Variants in ARGFX observed in about 807,000 individuals in gnomAD.
ARGFX encodes the protein arginine-fifty homeobox.
ARGFX carries 10 observed loss-of-function variants against 8.0 expected under a neutral mutation model. The ratio of observed to expected loss-of-function variants is 1.25; its 90% CI spans 0.77 to 2.12. The LOEUF is 2.12. ARGFX is among the 30% of genes most tolerant of loss of function. The pLI, the probability that ARGFX is intolerant of heterozygous loss-of-function variation, is 0.00. For synonymous variants in ARGFX, 116 were observed against 117.8 expected (o/e 0.98, Z 0.10); for missense variants, 282 against 324.3 (o/e 0.87, Z 1.00).
chr3:121,589,689 T>A lies in ARGFX; in HGVS notation c.*3089T>A, dbSNP rs771203670. ...CCTCACCTGGCCAAAACAGTTTTTT[T>A]AGAAATGAAGTATATTAGACAACAA... On this transcript the variant is annotated 3_prime_UTR_variant, in exon 5 of 5. Transcript: ENST00000334384. Among the ~76,000 whole-genome samples, 1 of 152,168 alleles carries A rather than the reference T, an allele frequency of 6.6e-6. No individual in the cohort carries two copies. Among genetic ancestry groups the A allele is most frequent in the Non-Finnish European group, 1.5e-5 (1 of 68,030 alleles).
chr3:121,579,940 CTTTTCT>C, intron 3 of ARGFX, among the ~76,000 whole-genome samples: 1 of 43,258 alleles, frequency 2.3e-5, no homozygotes, highest in Non-Finnish European at 4.6e-5. Flanking sequence ...CTTTTCTTTT[CTTTTCT>C]TTTTTTTTTT....
intron 2 of ARGFX, among the ~76,000 whole-genome samples, chr3:121,572,107 T>C (rs1202124959): frequency 6.6e-6 from 1 of 151,832 alleles, no homozygotes; most frequent in Non-Finnish European, 1.5e-5. Context: ...ACTGGGATTA[T>C]AGGCGTGAGC....
intron 2 of ARGFX, 78 bp from the exon 3 acceptor site, chr3:121,576,706 T>TTTC (rs2048738523): frequency 5.6e-5 from 10 of 180,010 alleles, no homozygotes; most frequent in South Asian, 4.8e-4. Flanking sequence ...TCTTTCTTTC[T>TTTC]TTTTCTTTCT....
rs1490191052 is a variant in ARGFX, at chr3:121,577,231, A to G, written c.220+331A>G. 5.4e-5 allele frequency among the ~76,000 whole-genome samples: 3 copies of G among 55,694 alleles called. No individual in the cohort carries two copies. In the East Asian group the frequency reaches 2.6e-3, roughly 48 times the overall value. 36.5% of individuals were successfully genotyped at this position (55,694 alleles called of 152,430 possible). On this transcript the variant is annotated intron_variant, in intron 3 of 4. Transcript: ENST00000334384. Reference sequence around the variant, plus strand: ...TATATATATATCTACATGTACATATATATATATATATATATATATATATAT... The same window carrying G: ...TATATATATATCTACATGTACATATGTATATATATATATATATATATATAT...
At chr3:121,574,039 G>A (rs1409605790) in intron 2 of ARGFX, among the ~76,000 whole-genome samples, 1 of 152,070 alleles carries the variant, frequency 6.6e-6, no homozygotes, top group African/African-American at 2.4e-5. Context: ...TGAGGATGGG[G>A]AGAAATCAGA....
chr3:121,586,372 T>A lies in ARGFX; in HGVS notation c.720T>A (p.Asn240Lys). ...AACTGTACAATCTTCCTGATGAGAA[T>A]GAGATATCCAGCTCTTCTTTCCACT... ...IIELYNLPDE[N>K]EISSSSFHCL... Residue 240 changes from asparagine (N) to lysine (K), a missense_variant, in exon 5 of 5, where the codon AAT becomes AAA. Asn to Lys is a moderately conservative substitution (Grantham distance 94). Coordinates refer to ENST00000334384, the MANE Select transcript of ARGFX (RefSeq NM_001012659.2). 1 of 1,612,846 alleles carries A rather than the reference T, an allele frequency of 6.2e-7. No homozygotes were observed.
At chr3:121,584,207 G>GAAGC (rs56144218) in intron 3 of ARGFX, among the ~76,000 whole-genome samples, 6,806 of 56,536 alleles carry the variant, frequency 0.12, 395 homozygotes, top group Non-Finnish European at 0.17. Context: ...AGAGAGAGAG[G>GAAGC]AAGGAAGGAA....
At chr3:121,579,916 C>CTTTCTTTCTT (rs1399496290) in intron 3 of ARGFX, among the ~76,000 whole-genome samples, 2 of 123,128 alleles carry the variant, frequency 1.6e-5, no homozygotes, top group African/African-American at 6.6e-5. Flanking sequence ...TATTTTCTTT[C>CTTTCTTTCTT]TTTCTTTCTT....
intron 2 of ARGFX, among the ~76,000 whole-genome samples, chr3:121,573,224 T>C (rs1185819830): frequency 1.3e-5 from 2 of 152,210 alleles, no homozygotes; most frequent in Non-Finnish European, 2.9e-5. Context: ...CTCATGCCTG[T>C]AATCCCAGCA....
chr3:121,581,383 G>C (rs1341081358), intron 3 of ARGFX, among the ~76,000 whole-genome samples: 1 of 152,118 alleles, frequency 6.6e-6, no homozygotes, highest in African/African-American at 2.4e-5. Flanking sequence ...AATCCAATGA[G>C]ATGGTTTACA....
intron 3 of ARGFX, among the ~76,000 whole-genome samples, chr3:121,579,010 T>C (rs1270727258): frequency 2.0e-5 from 3 of 152,182 alleles, no homozygotes; most frequent in Non-Finnish European, 4.4e-5. Flanking sequence ...AAATTTCTAC[T>C]GTTGAACATA....
chr3:121,587,003 C>A lies in ARGFX; in HGVS notation c.*403C>A, dbSNP rs1380112489. On this transcript the variant is annotated 3_prime_UTR_variant, in exon 5 of 5. Transcript: ENST00000334384. Reference sequence around the variant, plus strand: ...CTCCTGGGCTCAGGTGATCCTCCCACCTCAGCCTCCTGAGTAGCTAGGACT... The same window carrying A: ...CTCCTGGGCTCAGGTGATCCTCCCAACTCAGCCTCCTGAGTAGCTAGGACT... Among the ~76,000 whole-genome samples, 1 of 152,128 alleles carries A rather than the reference C, an allele frequency of 6.6e-6. No individual in the cohort carries two copies. The highest frequency in any genetic ancestry group is 2.4e-5 in the African/African-American group (1 of 41,422).
chr3:121,578,836 AT>A (rs71668158), intron 3 of ARGFX, among the ~76,000 whole-genome samples: 176 of 140,168 alleles, frequency 1.3e-3, no homozygotes, highest in Admixed American at 1.9e-3. Context: ...ACACCCAGCT[AT>A]TTTTTTTTTT....
chr3:121,581,570 T>C (rs1454251641), intron 3 of ARGFX, among the ~76,000 whole-genome samples: 1 of 152,204 alleles, frequency 6.6e-6, no homozygotes, highest in Admixed American at 6.5e-5. Flanking sequence ...TTCCCAATAA[T>C]TGCACTATCA....
chr3:121,583,747 C>T (rs917709957), intron 3 of ARGFX, among the ~76,000 whole-genome samples: 20 of 152,042 alleles, frequency 1.3e-4, no homozygotes, highest in Non-Finnish European at 1.6e-4. Flanking sequence ...GGCTGGTCTC[C>T]AACTCCTCCA....
chr3:121,570,402 C>T (rs2108833503), intron 1 of ARGFX, among the ~76,000 whole-genome samples: 1 of 152,314 alleles, frequency 6.6e-6, no homozygotes, highest in South Asian at 2.1e-4. Flanking sequence ...TGATCTCTAT[C>T]TTTTCGTGTA....
intron 1 of ARGFX, 60 bp from the exon 2 acceptor site, chr3:121,570,642 T>G: frequency 8.6e-7 from 1 of 1,162,448 alleles, no homozygotes; most frequent in Non-Finnish European, 1.2e-6. Flanking sequence ...TTGAAAACAT[T>G]GCTATCCAGC....
intron 2 of ARGFX, among the ~76,000 whole-genome samples, chr3:121,573,420 G>A (rs2048719685): frequency 6.6e-6 from 1 of 151,878 alleles, no homozygotes; most frequent in African/African-American, 2.4e-5. Flanking sequence ...GACAGAGACT[G>A]CAGCAGAGAT....
At chr3:121,571,579 T>TTA (rs35055897) in intron 2 of ARGFX, among the ~76,000 whole-genome samples, 37,371 of 147,874 alleles carry the variant, frequency 0.25, 4,890 homozygotes, top group East Asian at 0.41. Context: ...TATTATTATT[T>TTA]TTTGAGACAG....
Sources: gnomAD v4.1 joint callset for allele counts (sites outside exome capture counted in the v4.1 genomes callset) on GRCh38, gnomAD v4.1.1 for gene constraint, MANE v1.5 for transcripts, NCBI Gene and HGNC (gene_info 2026-07-23, HGNC 2026-07-21) for gene names.